The following LDLRAD3 variants were observed in gnomAD, a reference collection of about 807,000 sequenced individuals.
LDLRAD3 encodes the protein low-density lipoprotein receptor class A domain-containing protein 3.
In LDLRAD3, 20 loss-of-function variants were observed where a neutral mutation model predicts 29.4. The observed-to-expected ratio is 0.68, with a 90% CI of 0.48 to 0.99. The LOEUF is 0.99. Among genes scored for constraint, LDLRAD3 ranks in the 50% least tolerant of loss-of-function variants. The pLI is 0.00. For synonymous variants in LDLRAD3, 157 were observed against 192.7 expected, an observed-to-expected ratio of 0.81 and a Z score of 1.53; for missense variants, 420 against 454.3, an observed-to-expected ratio of 0.92 and a Z score of 0.69.
chr11:36,131,628 G>C (rs1161482002), intron 4 of LDLRAD3, among the ~76,000 whole-genome samples: 4 of 152,162 alleles, frequency 2.6e-5, no homozygotes, highest in Admixed American at 6.5e-5. Context: ...AAAACCTACT[G>C]TCTTAGCCAT....
chr11:36,220,915 T>C (rs188794691), intron 4 of LDLRAD3, among the ~76,000 whole-genome samples: 2 of 152,216 alleles, frequency 1.3e-5, no homozygotes, highest in Admixed American at 6.5e-5. Context: ...ATCTAACTTT[T>C]AAAATATATA....
intron 4 of LDLRAD3, among the ~76,000 whole-genome samples, chr11:36,187,438 C>T (rs373281125): frequency 3.9e-5 from 6 of 152,052 alleles, no homozygotes; most frequent in African/African-American, 1.2e-4. Context: ...ATTATAGGAA[C>T]GGAATCCTAC....
chr11:36,081,766 G>A lies in LDLRAD3; in HGVS notation c.307G>A (p.Glu103Lys). 1.2e-6 allele frequency: 2 copies of A among 1,614,234 alleles called. No homozygotes were observed. The change falls in exon 3 of 6, where the codon GAA becomes AAA. Residue 103 changes from glutamate to lysine, a missense_variant. Transcript: ENST00000315571. ...GFEDCPDGSD[E>K]ENCTANPLLC... ...TGAGGACTGTCCCGATGGCAGCGAT[G>A]AAGAGAACTGCAGTAAGTGCTGCGC...
intron 1 of LDLRAD3, among the ~76,000 whole-genome samples, chr11:35,960,639 C>T (rs568134530): frequency 1.3e-5 from 2 of 152,272 alleles, no homozygotes; most frequent in East Asian, 3.9e-4. Context: ...CTCTGTCGCC[C>T]AGGCTGGAGT....
chr11:35,962,395 C>T (rs1851289254), intron 1 of LDLRAD3, among the ~76,000 whole-genome samples: 1 of 152,116 alleles, frequency 6.6e-6, no homozygotes, highest in South Asian at 2.1e-4. Context: ...CGTTTTGCCT[C>T]TACAGAAAGT....
rs544972049 is a variant in LDLRAD3 at position 35,984,342 on chromosome 11, T to C, written c.46+40198T>C. On this transcript the variant is annotated intron_variant, in intron 1 of 5. Coordinates refer to ENST00000315571, the MANE Select transcript of LDLRAD3 (RefSeq NM_174902.4). ...CATGCTAGGCCTGTGAAGTGGTTTA[T>C]TGCCCTGGTTTATAGAGAAGGGATC... Among the ~76,000 whole-genome samples, 94 of 152,304 alleles carry C rather than the reference T, an allele frequency of 6.2e-4. 1 individual carries two copies. In the Middle Eastern group the frequency reaches 0.01, roughly 17 times the overall value.
intron 4 of LDLRAD3, among the ~76,000 whole-genome samples, chr11:36,135,639 G>A (rs555467909): frequency 1.6e-4 from 24 of 152,286 alleles, no homozygotes; most frequent in African/African-American, 5.3e-4. Flanking sequence ...GGTTGGGCAC[G>A]GTGGCTCACG....
intron 4 of LDLRAD3, among the ~76,000 whole-genome samples, chr11:36,175,220 C>T (rs1013601650): frequency 2.6e-5 from 4 of 152,108 alleles, no homozygotes; most frequent in African/African-American, 9.7e-5. Context: ...TGGTTAACCT[C>T]ACTAATGGTC....
chr11:36,141,178 C>T (rs10836505), intron 4 of LDLRAD3, among the ~76,000 whole-genome samples: 43,861 of 151,972 alleles, frequency 0.29, 6,666 homozygotes, highest in East Asian at 0.56. Context: ...GCTCTGTCAA[C>T]TAGGAAGCAA....
chr11:36,225,873 C>T lies in LDLRAD3; in HGVS notation c.455-1212C>T, dbSNP rs541938048. On this transcript the variant is annotated intron_variant, in intron 4 of 5. Coordinates refer to ENST00000315571, the MANE Select transcript of LDLRAD3 (RefSeq NM_174902.4). ...ATCACTTGAGGTCAAGAGTTCGAGA[C>T]CAGCCTGGCCAACATGGTTGAAACC... is the stretch of plus-strand genomic sequence containing the variant. 2.6e-5 allele frequency among the ~76,000 whole-genome samples: 4 copies of T among 152,142 alleles called. No homozygotes were observed. The East Asian group carries it at 7.8e-4, about 30-fold the overall frequency.
chr11:36,130,661 C>T (rs960891517), intron 4 of LDLRAD3, among the ~76,000 whole-genome samples: 4 of 152,136 alleles, frequency 2.6e-5, no homozygotes, highest in Non-Finnish European at 4.4e-5. Flanking sequence ...CTGCTTTGTG[C>T]GAGTCATTCA....
intron 4 of LDLRAD3, among the ~76,000 whole-genome samples, chr11:36,206,934 G>T (rs1855218955): frequency 6.6e-6 from 1 of 151,880 alleles, no homozygotes; most frequent in African/African-American, 2.4e-5. Context: ...CACCATGTTG[G>T]CCAGGCTGGT....
chr11:36,126,281 C>T (rs1853835989), intron 4 of LDLRAD3, among the ~76,000 whole-genome samples: 1 of 152,150 alleles, frequency 6.6e-6, no homozygotes, highest in Admixed American at 6.5e-5. Flanking sequence ...TCCTTCAGTT[C>T]CTGGGCGTGA....
At chr11:36,141,322 A>C (rs1020218897) in intron 4 of LDLRAD3, among the ~76,000 whole-genome samples, 2 of 152,080 alleles carry the variant, frequency 1.3e-5, no homozygotes, top group African/African-American at 2.4e-5. Flanking sequence ...CATACCTTGA[A>C]GTTCATGTTC....
intron 4 of LDLRAD3, among the ~76,000 whole-genome samples, chr11:36,194,627 A>G (rs1196420657): frequency 3.9e-5 from 6 of 152,152 alleles, no homozygotes; most frequent in African/African-American, 1.4e-4. Context: ...GTAATTCACA[A>G]TCTCTGCCAG....
At chr11:35,980,333 G>A (rs1244266428) in intron 1 of LDLRAD3, among the ~76,000 whole-genome samples, 1 of 152,146 alleles carries the variant, frequency 6.6e-6, no homozygotes, top group Non-Finnish European at 1.5e-5. Context: ...ATTGGGATGG[G>A]CGTTATACGG....
chr11:35,998,431 C>T (rs79458380), intron 1 of LDLRAD3, among the ~76,000 whole-genome samples: 5,890 of 152,278 alleles, frequency 0.039, 152 homozygotes, highest in Admixed American at 0.076. Context: ...CTGCCAGGCT[C>T]CTTTCAGCCA....
chr11:36,116,590 T>G (rs1853677592), intron 4 of LDLRAD3, among the ~76,000 whole-genome samples: 1 of 152,056 alleles, frequency 6.6e-6, no homozygotes, highest in Admixed American at 6.6e-5. Flanking sequence ...GATGCATCCT[T>G]GGACAAGAGA....
intron 1 of LDLRAD3, among the ~76,000 whole-genome samples, chr11:36,024,273 C>T (rs1209698761): frequency 6.6e-6 from 1 of 152,156 alleles, no homozygotes; most frequent in Non-Finnish European, 1.5e-5. Context: ...TATACTTTAT[C>T]CTTCTGTCTC....
Sources: gnomAD v4.1 joint callset for allele counts (sites outside exome capture counted in the v4.1 genomes callset) on GRCh38, gnomAD v4.1.1 for gene constraint, MANE v1.5 for transcripts, NCBI Gene and HGNC (gene_info 2026-07-23, HGNC 2026-07-21) for gene names.